The following NLGN1 variants were observed in gnomAD, a reference collection of about 807,000 sequenced individuals.
NLGN1 encodes the protein neuroligin 1.
A neutral mutation model predicts 65.5 loss-of-function variants in NLGN1; 12 were observed. The ratio of observed to expected loss-of-function variants is 0.18; its 90% CI spans 0.12 to 0.30. The LOEUF is 0.30. NLGN1 is among the 10% of genes least tolerant of loss of function. NLGN1 has a pLI of 1.00. For missense variants in NLGN1, 750 were observed against 1,007.1 expected (o/e 0.74, Z 3.46); for synonymous variants, 350 against 359.5 (o/e 0.97, Z 0.30).
chr3:174,033,991 C>A (rs1472635970), intron 4 of NLGN1, among the ~76,000 whole-genome samples: 1 of 151,890 alleles, frequency 6.6e-6, no homozygotes, highest in Non-Finnish European at 1.5e-5. Context: ...AAATAACTAA[C>A]TAAATAAATA....
intron 3 of NLGN1, among the ~76,000 whole-genome samples, chr3:173,701,101 C>CA (rs1028945805): frequency 1.3e-5 from 2 of 152,070 alleles, no homozygotes; most frequent in Admixed American, 1.3e-4. Flanking sequence ...TGCACTCCAG[C>CA]CTGGGTGACA....
chr3:174,047,090 T>C (rs1316087603), intron 4 of NLGN1, among the ~76,000 whole-genome samples: 1 of 151,970 alleles, frequency 6.6e-6, no homozygotes, highest in Non-Finnish European at 1.5e-5. Context: ...AGTTGCTATG[T>C]TTATTATATT....
chr3:174,168,591 G>C (rs1349361701), intron 4 of NLGN1, among the ~76,000 whole-genome samples: 1 of 152,096 alleles, frequency 6.6e-6, no homozygotes, highest in Non-Finnish European at 1.5e-5. Context: ...TTATAGGTAA[G>C]AGCTGGCTGC....
rs549543907 is a variant in NLGN1, at chr3:173,551,498, T to G, written c.-320-52781T>G. On this transcript the variant is annotated intron_variant, in intron 2 of 6. Coordinates refer to ENST00000457714, the Ensembl canonical transcript of NLGN1. Reference sequence around the variant, plus strand: ...ATATTGTGTTTGACATCAATTCTTGTTAATGATCTCTGAGCCTAAGAAGGC... The same window carrying G: ...ATATTGTGTTTGACATCAATTCTTGGTAATGATCTCTGAGCCTAAGAAGGC... 7.2e-5 allele frequency among the ~76,000 whole-genome samples: 11 copies of G among 152,338 alleles called. No homozygotes were observed. The East Asian group carries it at 2.1e-3, about 29-fold the overall frequency.
At chr3:173,503,853 G>A (rs1731559385) in intron 2 of NLGN1, among the ~76,000 whole-genome samples, 1 of 151,890 alleles carries the variant, frequency 6.6e-6, no homozygotes, top group African/African-American at 2.4e-5. Flanking sequence ...TTCTTTCATG[G>A]GAAATTCCAT....
chr3:173,750,664 ATTG>A (rs1486897670), intron 3 of NLGN1, among the ~76,000 whole-genome samples: 4 of 152,106 alleles, frequency 2.6e-5, no homozygotes, highest in Admixed American at 2.6e-4. Context: ...CACACTAATT[ATTG>A]TTGTACACTG....
intron 3 of NLGN1, among the ~76,000 whole-genome samples, chr3:173,765,052 A>ATGTG (rs55747253): frequency 3.0e-3 from 415 of 136,286 alleles, no homozygotes; most frequent in South Asian, 0.012. Flanking sequence ...CTGTGGGTGC[A>ATGTG]TGTGTGTGTG....
chr3:173,852,796 ATCT>A (rs1444635234), intron 4 of NLGN1, among the ~76,000 whole-genome samples: 2 of 152,164 alleles, frequency 1.3e-5, no homozygotes, highest in Non-Finnish European at 2.9e-5. Flanking sequence ...ATTTGTAAAA[ATCT>A]TCTATATTCT....
intron 3 of NLGN1, among the ~76,000 whole-genome samples, chr3:173,729,570 T>C (rs1354305516): frequency 6.6e-6 from 1 of 152,140 alleles, no homozygotes; most frequent in Non-Finnish European, 1.5e-5. Flanking sequence ...TGTAAGCTTT[T>C]CTAATGATTC....
At chr3:173,416,283 T>C (rs1003592608) in intron 1 of NLGN1, among the ~76,000 whole-genome samples, 1 of 152,212 alleles carries the variant, frequency 6.6e-6, no homozygotes, top group African/African-American at 2.4e-5. Context: ...AAGCCTCATT[T>C]CTTCATTTGC....
At chr3:173,935,921 C>G (rs1744996877) in intron 4 of NLGN1, among the ~76,000 whole-genome samples, 1 of 151,976 alleles carries the variant, frequency 6.6e-6, no homozygotes, top group Admixed American at 6.6e-5. Context: ...AGACCTACTG[C>G]TCCCCATGGA....
rs528554191 is a variant in NLGN1 at position 174,113,714 on chromosome 3, T to G, written c.647-161601T>G. On this transcript the variant is annotated intron_variant, in intron 4 of 6. Transcript: ENST00000457714. ...TATGTCATAGGCATGTTGTATAGAT[T>G]TAGTAAAATGATTCTTGAATAGGTC... is the stretch of plus-strand genomic sequence containing the variant. Among the ~76,000 whole-genome samples, 40 of 152,250 alleles carry G rather than the reference T, an allele frequency of 2.6e-4. No individual in the cohort carries two copies. The South Asian group carries it at 3.3e-3, about 13-fold the overall frequency.
chr3:173,401,212 G>A (rs1402604988), intron 1 of NLGN1, among the ~76,000 whole-genome samples: 3 of 152,040 alleles, frequency 2.0e-5, no homozygotes, highest in African/African-American at 7.2e-5. Context: ...TCCACCAGAT[G>A]CTGGTAGTGC....
chr3:174,024,268 T>C (rs1308539021), intron 4 of NLGN1, among the ~76,000 whole-genome samples: 4 of 151,502 alleles, frequency 2.6e-5, no homozygotes, highest in African/African-American at 4.9e-5. Flanking sequence ...TTCCTATCAA[T>C]AGGAGTTTGC....
chr3:174,011,049 A>G (rs547116066), intron 4 of NLGN1, among the ~76,000 whole-genome samples: 3 of 152,290 alleles, frequency 2.0e-5, no homozygotes, highest in East Asian at 1.9e-4. Context: ...CAATTTACGT[A>G]TGAATAGCCC....
chr3:174,074,147 CAAAAT>C (rs891864475), intron 4 of NLGN1, among the ~76,000 whole-genome samples: 2 of 151,956 alleles, frequency 1.3e-5, no homozygotes, highest in Non-Finnish European at 2.9e-5. Flanking sequence ...GGGAGCATCT[CAAAAT>C]AAAAGGCTTG....
chr3:173,441,563 G>A (rs1259821101), intron 2 of NLGN1, among the ~76,000 whole-genome samples: 1 of 152,092 alleles, frequency 6.6e-6, no homozygotes, highest in Non-Finnish European at 1.5e-5. Context: ...CAGAGAGATA[G>A]GGAAATGATG....
intron 4 of NLGN1, among the ~76,000 whole-genome samples, chr3:173,821,515 C>T (rs1245739523): frequency 2.0e-5 from 3 of 152,032 alleles, no homozygotes; most frequent in Non-Finnish European, 2.9e-5. Context: ...AAAACAATTG[C>T]TTCAGTAGAT....
At chr3:173,748,918 T>C (rs1308610793) in intron 3 of NLGN1, among the ~76,000 whole-genome samples, 1 of 152,018 alleles carries the variant, frequency 6.6e-6, no homozygotes, top group Non-Finnish European at 1.5e-5. Context: ...CCCCTGGATA[T>C]AGAGAATTCA....
Sources: gnomAD v4.1 joint callset for allele counts (sites outside exome capture counted in the v4.1 genomes callset) on GRCh38, gnomAD v4.1.1 for gene constraint, MANE v1.5 for transcripts, NCBI Gene and HGNC (gene_info 2026-07-23, HGNC 2026-07-21) for gene names.